TULP4: variants seen among roughly 807,000 people sequenced by gnomAD.
TULP4 encodes tubby-related protein 4.
A neutral mutation model predicts 129.0 loss-of-function variants in TULP4; 16 were observed. That is an observed-to-expected ratio of 0.12 (90% CI 0.08 to 0.19). The LOEUF (loss-of-function observed/expected upper bound fraction) is 0.19, where lower values mean the gene tolerates loss of function less well. TULP4 is among the 10% of genes least tolerant of loss of function. The pLI is 1.00. For synonymous variants in TULP4, 998 were observed against 854.0 expected (o/e 1.17, Z -2.94); for missense variants, 1,842 against 2,059.1 (o/e 0.89, Z 2.04).
intron 1 of TULP4, among the ~76,000 whole-genome samples, chr6:158,323,073 A>T (rs1779673998): frequency 1.3e-5 from 2 of 152,182 alleles, no homozygotes; most frequent in Admixed American, 6.5e-5. Flanking sequence ...CCCCAGCCCC[A>T]ACCTAAGCAT....
chr6:158,336,989 T>G (rs1486207681), intron 1 of TULP4, among the ~76,000 whole-genome samples: 1 of 152,004 alleles, frequency 6.6e-6, no homozygotes, highest in East Asian at 1.9e-4. Context: ...GGGCTGAAGT[T>G]ATTTGGAAAG....
At chr6:158,475,076 G>T in intron 6 of TULP4, among the ~76,000 whole-genome samples, 1 of 152,364 alleles carries the variant, frequency 6.6e-6, no homozygotes, top group South Asian at 2.1e-4. Flanking sequence ...TTGGCTGGAC[G>T]CATGGCATGT....
upstream of TULP4, among the ~76,000 whole-genome samples, chr6:158,278,616 T>C (rs931891723): frequency 3.3e-5 from 5 of 152,222 alleles, no homozygotes; most frequent in Non-Finnish European, 7.3e-5. Flanking sequence ...ACATCGTAAG[T>C]TGAGAAGAAC....
At chr6:158,443,626 GTC>G (rs1226953931) in intron 3 of TULP4, among the ~76,000 whole-genome samples, 1 of 152,186 alleles carries the variant, frequency 6.6e-6, no homozygotes, top group Non-Finnish European at 1.5e-5. Flanking sequence ...ACATAGGAGA[GTC>G]TCTCATCTTA....
rs1009635586 is a variant in TULP4 at position 158,507,899 on chromosome 6, T to A, written c.*1205T>A. ...TAAAATACAGAGGAGTATGGTCAAA[T>A]CTTTGACAAAATTTTCATGATCTTC... On this transcript the variant is annotated 3_prime_UTR_variant, in exon 14 of 14. Coordinates refer to ENST00000367097, the MANE Select transcript of TULP4 (RefSeq NM_020245.5). 2.6e-5 allele frequency: 4 copies of A among 152,228 alleles called. No individual in the cohort carries two copies. The highest frequency in any genetic ancestry group is 9.6e-5 in the African/African-American group (4 of 41,468). The allele number at this position is 152,228 out of a possible 1,614,324, so 9.4% of individuals were successfully genotyped here. A position where few individuals can be genotyped will look rare whatever the true frequency, so the allele number is the denominator to read the frequency against.
At chr6:158,355,579 C>G (rs1583789003) in intron 1 of TULP4, among the ~76,000 whole-genome samples, 1 of 152,164 alleles carries the variant, frequency 6.6e-6, no homozygotes, top group Middle Eastern at 3.4e-3. Flanking sequence ...GGAGGAGGGA[C>G]TGGGAGCTGG....
intron 6 of TULP4, among the ~76,000 whole-genome samples, chr6:158,476,607 T>G (rs2128248722): frequency 6.6e-6 from 1 of 152,336 alleles, no homozygotes; most frequent in Non-Finnish European, 1.5e-5. Flanking sequence ...CCTGCCTAAT[T>G]ACCTGTGGGC....
At chr6:158,273,751 C>T (rs1443592586) in intron 1 of TULP4, among the ~76,000 whole-genome samples, 3 of 152,182 alleles carry the variant, frequency 2.0e-5, no homozygotes, top group Non-Finnish European at 4.4e-5. Context: ...CTGTCTGGTC[C>T]TAACAATAGT....
intron 1 of TULP4, among the ~76,000 whole-genome samples, chr6:158,360,951 A>G (rs754384329): frequency 6.6e-6 from 1 of 152,044 alleles, no homozygotes; most frequent in Non-Finnish European, 1.5e-5. Context: ...CAATTTTGCT[A>G]TTTGTTTTCT....
At chr6:158,256,460 T>G (rs1778246235) in intron 1 of TULP4, among the ~76,000 whole-genome samples, 1 of 152,168 alleles carries the variant, frequency 6.6e-6, no homozygotes, top group Non-Finnish European at 1.5e-5. Flanking sequence ...TTTGATCACT[T>G]CAATAAAAAA....
At chr6:158,402,567 C>T (rs1644280236) in intron 1 of TULP4, among the ~76,000 whole-genome samples, 2 of 152,194 alleles carry the variant, frequency 1.3e-5, no homozygotes, top group African/African-American at 4.8e-5. Context: ...TTCTCACTTC[C>T]CAATTAAAGG....
intron 1 of TULP4, among the ~76,000 whole-genome samples, chr6:158,334,169 A>G (rs1455004283): frequency 6.6e-6 from 1 of 152,184 alleles, no homozygotes; most frequent in Non-Finnish European, 1.5e-5. Flanking sequence ...TTGAATAACC[A>G]CCATGAGATC....
At chr6:158,322,866 G>A (rs922487980) in intron 1 of TULP4, among the ~76,000 whole-genome samples, 1 of 152,196 alleles carries the variant, frequency 6.6e-6, no homozygotes, top group Non-Finnish European at 1.5e-5. Context: ...GGAAGAGAAA[G>A]CAAGCTTTCA....
upstream of TULP4, among the ~76,000 whole-genome samples, chr6:158,309,881 AAG>A (rs1293589420): frequency 2.0e-5 from 2 of 102,468 alleles, no homozygotes; most frequent in African/African-American, 3.8e-5. Flanking sequence ...AGACCGTGGG[AAG>A]AGAGGGAGAG....
At position 158,507,085 on chromosome 6, in the gene TULP4, T is replaced by C. The variant is rs1259561843; in HGVS notation, c.*391T>C. ...CATTATCCTGTATTCTCCTCCAACATCACCACTAGCGTAAAAGCAAAAAGC... is the reference window on the plus strand; with the variant it reads ...CATTATCCTGTATTCTCCTCCAACACCACCACTAGCGTAAAAGCAAAAAGC... On this transcript the variant is annotated 3_prime_UTR_variant, in exon 14 of 14. Transcript: ENST00000367097. The C allele has an allele frequency of 2.3e-5, 4 of 174,094 alleles. No homozygotes were observed. The highest frequency in any genetic ancestry group is 5.0e-5 in the Non-Finnish European group (4 of 80,634). The allele number at this position is 174,094 out of a possible 1,614,324, so 10.8% of individuals were successfully genotyped here. A position where few individuals can be genotyped will look rare whatever the true frequency, so the allele number is the denominator to read the frequency against.
intron 1 of TULP4, among the ~76,000 whole-genome samples, chr6:158,306,835 C>T (rs1232087977): frequency 4.6e-5 from 7 of 151,938 alleles, no homozygotes; most frequent in Non-Finnish European, 1.0e-4. Context: ...GCCTGGCTAA[C>T]GTGGCGAAAC....
intron 1 of TULP4, among the ~76,000 whole-genome samples, chr6:158,283,155 A>T (rs1012989086): frequency 4.6e-5 from 7 of 151,920 alleles, no homozygotes; most frequent in Non-Finnish European, 8.8e-5. Context: ...AAAAAAACAA[A>T]AAAAAACCCT....
At chr6:158,272,430 T>C (rs1778568490) in intron 1 of TULP4, among the ~76,000 whole-genome samples, 1 of 152,158 alleles carries the variant, frequency 6.6e-6, no homozygotes, top group African/African-American at 2.4e-5. Flanking sequence ...AGGCTGGAGC[T>C]GAAGAAGAGG....
chr6:158,432,320 G>A (rs1267803547), intron 3 of TULP4, among the ~76,000 whole-genome samples: 1 of 151,952 alleles, frequency 6.6e-6, no homozygotes, highest in Non-Finnish European at 1.5e-5. Flanking sequence ...ACAGGTTGTG[G>A]GCCAGCCTGA....
Sources: allele counts gnomAD v4.1 joint callset (sites outside exome capture counted in the v4.1 genomes callset), GRCh38; gene constraint gnomAD v4.1.1; transcripts MANE v1.5; gene names NCBI Gene and HGNC (gene_info 2026-07-23, HGNC 2026-07-21).